The following CAMSAP2 variants were observed in gnomAD, a reference collection of about 807,000 sequenced individuals.
The protein encoded by CAMSAP2 is calmodulin regulated spectrin associated protein family member 2.
Under a neutral mutation model 146.1 loss-of-function variants are expected in CAMSAP2, and 26 were observed. The ratio of observed to expected loss-of-function variants is 0.18; its 90% CI spans 0.13 to 0.25. The LOEUF is 0.25. Among genes scored for constraint, CAMSAP2 ranks in the 10% least tolerant of loss-of-function variants. The pLI, the probability that CAMSAP2 is intolerant of heterozygous loss-of-function variation, is 1.00. For synonymous variants in CAMSAP2, 499 were observed against 596.6 expected, an observed-to-expected ratio of 0.84 and a Z score of 2.38; for missense variants, 1,381 against 1,759.3, an observed-to-expected ratio of 0.78 and a Z score of 3.85.
intron 2 of CAMSAP2, among the ~76,000 whole-genome samples, chr1:200,802,259 C>T (rs887076841): frequency 3.3e-5 from 5 of 152,088 alleles, no homozygotes; most frequent in African/African-American, 7.2e-5. Flanking sequence ...GGCAAGTATA[C>T]GAGCTTTGAC....
intron 9 of CAMSAP2, 93 bp downstream of exon 9, chr1:200,847,385 G>GC: frequency 1.2e-6 from 1 of 832,954 alleles, no homozygotes; most frequent in Non-Finnish European, 1.8e-6. Context: ...AATATCCAGG[G>GC]TTTTTTTGTG....
intron 1 of CAMSAP2, among the ~76,000 whole-genome samples, chr1:200,757,630 TA>T (rs1179445601): frequency 6.6e-6 from 1 of 152,014 alleles, no homozygotes; most frequent in Non-Finnish European, 1.5e-5. Context: ...TTCCAAACTT[TA>T]AAAAAAATAA....
chr1:200,847,454 C>T (rs939255000), intron 9 of CAMSAP2, among the ~76,000 whole-genome samples, 162 bp downstream of exon 9: 1 of 151,786 alleles, frequency 6.6e-6, no homozygotes, highest in African/African-American at 2.4e-5. Context: ...GCTATTATAA[C>T]ACACTAAAAG....
At chr1:200,841,805 A>G (rs1163516008) in intron 6 of CAMSAP2, among the ~76,000 whole-genome samples, 189 bp from the exon 7 acceptor site, 1 of 152,260 alleles carries the variant, frequency 6.6e-6, no homozygotes, top group African/African-American at 2.4e-5. Flanking sequence ...AATGATCAGC[A>G]AGAGGTTTTG....
chr1:200,833,965 G>A (rs1455635780), intron 6 of CAMSAP2, among the ~76,000 whole-genome samples: 1 of 152,194 alleles, frequency 6.6e-6, no homozygotes, highest in African/African-American at 2.4e-5. Flanking sequence ...GTAGGCTAAT[G>A]TATGCTGTCA....
Position 200,858,062 on chromosome 1 carries a change from G to T in CAMSAP2, c.*3G>T. The T allele has an allele frequency of 1.3e-6, 2 of 1,556,030 alleles. No individual in the cohort carries two copies. The highest frequency in any genetic ancestry group is 1.7e-6 in the Non-Finnish European group (2 of 1,155,810). On this transcript the variant is annotated 3_prime_UTR_variant, in exon 17 of 17. Coordinates refer to ENST00000358823, the MANE Select transcript of CAMSAP2 (RefSeq NM_203459.4). Reference sequence around the variant, plus strand: ...AACTTTTACCCACTAAGGCATAGAAGTTGGGAAATACTTGCTTCAGAACAT... The same window carrying T: ...AACTTTTACCCACTAAGGCATAGAATTTGGGAAATACTTGCTTCAGAACAT...
chr1:200,823,245 C>A (rs1343953633), intron 4 of CAMSAP2, among the ~76,000 whole-genome samples: 1 of 152,150 alleles, frequency 6.6e-6, no homozygotes, highest in Admixed American at 6.6e-5. Context: ...TCTGAATGAG[C>A]TTATGGATAT....
intron 1 of CAMSAP2, among the ~76,000 whole-genome samples, chr1:200,751,229 T>TGC (rs1406641882): frequency 2.6e-5 from 4 of 151,308 alleles, no homozygotes; most frequent in Non-Finnish European, 5.9e-5. Flanking sequence ...TGTGTGTGTG[T>TGC]GCTTGCATAT....
At chr1:200,767,873 C>T (rs535361881) in intron 2 of CAMSAP2, among the ~76,000 whole-genome samples, 60 of 152,310 alleles carry the variant, frequency 3.9e-4, no homozygotes, top group African/African-American at 1.4e-3. Flanking sequence ...TACAAATTCA[C>T]AATATCTTTT....
Position 200,836,495 on chromosome 1 carries a change from A to G in CAMSAP2, c.927+3650A>G, listed in dbSNP as rs574631483. ...ATTTTCTTTATCCAGTCTAGCGTCA[A>G]TGGGCATTTAGGATGATTCCATGTC... On this transcript the variant is annotated intron_variant, in intron 6 of 16. Transcript: ENST00000358823. 1.3e-3 allele frequency among the ~76,000 whole-genome samples: 193 copies of G among 152,286 alleles called. 2 individuals are homozygous for G. The highest frequency in any genetic ancestry group is 2.0e-3 in the Non-Finnish European group (136 of 68,002).
rs1364874080 is a variant in CAMSAP2 at position 200,832,081 on chromosome 1, A to AGT, written c.646-117_646-116dup. 1 of 748,380 alleles carries AGT rather than the reference A, an allele frequency of 1.3e-6. No individual in the cohort carries two copies. The highest frequency in any genetic ancestry group is 2.1e-6 in the Non-Finnish European group (1 of 478,820). The allele number at this position is 748,380 out of a possible 1,614,324, so 46.4% of individuals were successfully genotyped here. ...ATTTAGAAAAAAAGAAATATTGGTGAGTGGTCTCATTTCTCATGATTTATT... is the reference window on the plus strand; with the variant it reads ...ATTTAGAAAAAAAGAAATATTGGTGAGTGTGGTCTCATTTCTCATGATTTATT... On this transcript the variant is annotated intron_variant, in intron 4 of 16. Coordinates refer to ENST00000358823, the MANE Select transcript of CAMSAP2 (RefSeq NM_203459.4). The surrounding 1 kb of genome is among the most constrained non-coding windows in gnomAD (Gnocchi z 4.2).
rs1045749229 is a variant in CAMSAP2, at chr1:200,853,808, A to G, written c.3823+313A>G. 6.6e-5 allele frequency among the ~76,000 whole-genome samples: 10 copies of G among 152,192 alleles called. No individual in the cohort carries two copies. The highest frequency in any genetic ancestry group is 2.4e-4 in the African/African-American group (10 of 41,440). On this transcript the variant is annotated intron_variant, in intron 13 of 16. Transcript: ENST00000358823. The surrounding 1 kb of genome is among the most constrained non-coding windows in gnomAD (Gnocchi z 5.1). ...GCCCTTTACATACTTATAAATTTAA[A>G]TAAATGTTATATGCATGAAATGTAC...
chr1:200,748,584 T>G (rs1664409902), intron 1 of CAMSAP2, among the ~76,000 whole-genome samples: 1 of 152,040 alleles, frequency 6.6e-6, no homozygotes, highest in Admixed American at 6.5e-5. Flanking sequence ...TATAGGCTCC[T>G]TCTCCATCTC....
chr1:200,759,300 A>G (rs1482351366), intron 1 of CAMSAP2, among the ~76,000 whole-genome samples: 1 of 107,242 alleles, frequency 9.3e-6, no homozygotes, highest in Non-Finnish European at 2.1e-5. Flanking sequence ...TTTTTTTGAG[A>G]TAGAGTTTCA....
At chr1:200,836,842 G>A (rs1430354578) in intron 6 of CAMSAP2, among the ~76,000 whole-genome samples, 1 of 152,200 alleles carries the variant, frequency 6.6e-6, no homozygotes, top group Non-Finnish European at 1.5e-5. Context: ...CTAATGATCA[G>A]TGATATTGGG....
At position 200,843,848 on chromosome 1, in the gene CAMSAP2, TTG is replaced by T. The variant is rs1491241115; in HGVS notation, c.1022-932_1022-931del. 4.1e-3 allele frequency among the ~76,000 whole-genome samples: 627 copies of T among 151,792 alleles called. 6 individuals are homozygous for T. The highest frequency in any genetic ancestry group is 0.015 in the African/African-American group (605 of 41,300). ...GCTCAAACTTATTTTTGTTTTTTTT[TTG>T]TTTGTTTGTTTTTGTTTTGTTTTGT... On this transcript the variant is annotated intron_variant, in intron 7 of 16. Transcript: ENST00000358823.
chr1:200,855,380 A>G (rs553227143), intron 14 of CAMSAP2, among the ~76,000 whole-genome samples: 29 of 152,182 alleles, frequency 1.9e-4, no homozygotes, highest in African/African-American at 6.7e-4. Flanking sequence ...GTATTTTATT[A>G]CTTTATACTA....
At position 200,849,017 on chromosome 1, in the gene CAMSAP2, A is replaced by G; in HGVS notation, c.2248A>G (p.Met750Val). The change falls in exon 11 of 17, where the codon ATG (methionine) becomes GTG (valine). Residue 750 changes from methionine to valine, a missense_variant. Transcript: ENST00000358823. This position sits in a 1 kb window ranked among gnomAD's most constrained non-coding sequence, Gnocchi z 6.3. ...CACTACCCAGCTGTTGGCCTCTGAA[A>G]TGGTGCATCTTAGGATGAAACTAGA... Reference protein sequence around the residue: ...RDTTQLLASEMVHLRMKLEEK... With the variant: ...RDTTQLLASEVVHLRMKLEEK... 1.2e-6 allele frequency: 2 copies of G among 1,614,150 alleles called. No individual in the cohort carries two copies. The highest frequency in any genetic ancestry group is 1.7e-6 in the Non-Finnish European group (2 of 1,180,020).
intron 4 of CAMSAP2, among the ~76,000 whole-genome samples, chr1:200,819,558 G>C (rs1005088971): frequency 6.6e-6 from 1 of 152,096 alleles, no homozygotes; most frequent in Non-Finnish European, 1.5e-5. Context: ...ATAAAGTCAG[G>C]CTAGTTCTGC....
Sources: allele counts gnomAD v4.1 joint callset (sites outside exome capture counted in the v4.1 genomes callset), GRCh38; gene constraint gnomAD v4.1.1; non-coding constraint Gnocchi (gnomAD v3.1); transcripts MANE v1.5; gene names NCBI Gene and HGNC (gene_info 2026-07-23, HGNC 2026-07-21).